Variants in GSTCD observed in about 807,000 individuals in gnomAD.
GSTCD encodes glutathione S-transferase C-terminal domain-containing protein.
In GSTCD, 44 loss-of-function variants were observed where a neutral mutation model predicts 68.3. That is an observed-to-expected ratio of 0.64 (90% CI 0.51 to 0.83). GSTCD has a LOEUF of 0.83. GSTCD is among the 40% of genes least tolerant of loss of function. The probability of loss-of-function intolerance (pLI) is 0.00; values close to 1 mark genes in which losing one functional copy is unlikely to be tolerated. For missense variants in GSTCD, 739 were observed against 735.9 expected, an observed-to-expected ratio of 1.00 and a Z score of -0.05; for synonymous variants, 273 against 255.2, an observed-to-expected ratio of 1.07 and a Z score of -0.67.
intron 5 of GSTCD, among the ~76,000 whole-genome samples, chr4:105,770,210 G>C (rs1734787971): frequency 6.6e-6 from 1 of 152,142 alleles, no homozygotes; most frequent in African/African-American, 2.4e-5. Context: ...TAAAAGTTCA[G>C]CACGTTTATA....
chr4:105,819,963 G>A (rs1373002188), intron 5 of GSTCD, among the ~76,000 whole-genome samples: 2 of 151,384 alleles, frequency 1.3e-5, no homozygotes, highest in Non-Finnish European at 3.0e-5. Flanking sequence ...AGAATATTTA[G>A]TAAAGACATC....
chr4:105,757,332 ATTG>A (rs1413660462), intron 5 of GSTCD, among the ~76,000 whole-genome samples: 1 of 152,158 alleles, frequency 6.6e-6, no homozygotes, highest in Non-Finnish European at 1.5e-5. Context: ...AATTCTACCT[ATTG>A]TTGTTGGAAT....
chr4:105,845,505 C>T lies in GSTCD; in HGVS notation c.1830C>T (p.Ser610=), dbSNP rs759169679. ...RARAAEECGY[S]VQVISMEPES... ...GAGCTGCAGAAGAATGTGGATACTC[C>T]GTTCAAGTGATATCCATGGAGCCAG... The change falls in exon 12 of 12, where the codon TCC becomes TCT. Residue 610 remains serine, a synonymous_variant. Transcript: ENST00000515279. The T allele has an allele frequency of 7.4e-6, 12 of 1,613,934 alleles. No individual in the cohort carries two copies. Among genetic ancestry groups the T allele is most frequent in the East Asian group, 2.2e-5 (1 of 44,888 alleles).
intron 11 of GSTCD, among the ~76,000 whole-genome samples, chr4:105,842,552 T>C (rs1296570217): frequency 1.3e-5 from 2 of 152,190 alleles, no homozygotes; most frequent in Non-Finnish European, 2.9e-5. Flanking sequence ...TACTTGTGTA[T>C]TATTTATCAT....
At chr4:105,841,126 C>T (rs28421902) in intron 10 of GSTCD, among the ~76,000 whole-genome samples, 8,302 of 152,046 alleles carry the variant, frequency 0.055, 748 homozygotes, top group African/African-American at 0.18. Context: ...CCAGCCTGGC[C>T]AACATGGTGA....
At chr4:105,731,983 G>A (rs1252356896) in intron 5 of GSTCD, among the ~76,000 whole-genome samples, 1 of 152,080 alleles carries the variant, frequency 6.6e-6, no homozygotes, top group Non-Finnish European at 1.5e-5. Context: ...CTGTTTATAT[G>A]CTGGATTACG....
At position 105,729,469 on chromosome 4, in the gene GSTCD, G is replaced by A. The variant is rs1191298312; in HGVS notation, c.1210G>A (p.Val404Ile). The A allele has an allele frequency of 6.2e-7, 1 of 1,611,968 alleles. No homozygotes were observed. The highest frequency in any genetic ancestry group is 8.5e-7 in the Non-Finnish European group (1 of 1,178,726). The change falls in exon 5 of 12, where the codon GTT (valine) becomes ATT (isoleucine). Residue 404 changes from valine to isoleucine, a missense_variant. Coordinates refer to ENST00000515279, the MANE Select transcript of GSTCD (RefSeq NM_001370181.1). ...CCCTACTTGGACTCTTGATTGGAAT[G>A]TTCTCCCTGCAGCAGTCAGCCCAAA... ...PCPTWTLDWN[V>I]LPAAVSPKEG...
intron 5 of GSTCD, among the ~76,000 whole-genome samples, chr4:105,753,973 TTTTAATCTTAAATGCTTATAGGAGTTG>T (rs1165916724): frequency 6.6e-6 from 1 of 152,126 alleles, no homozygotes; most frequent in East Asian, 1.9e-4. Context: ...GATTTTTTTT[TTTTAATCTTAAATGCTTATAGGAGTTG>T]GAGGGAAAAC....
intron 5 of GSTCD, among the ~76,000 whole-genome samples, chr4:105,754,659 A>T (rs1358946992): frequency 6.6e-6 from 1 of 152,116 alleles, no homozygotes; most frequent in Non-Finnish European, 1.5e-5. Flanking sequence ...AAAACAAATT[A>T]TTTTATATGA....
At chr4:105,733,275 GT>G (rs1733322784) in intron 5 of GSTCD, among the ~76,000 whole-genome samples, 1 of 152,152 alleles carries the variant, frequency 6.6e-6, no homozygotes, top group African/African-American at 2.4e-5. Flanking sequence ...TCTGTCTAAT[GT>G]TGACAGTGGG....
rs774624149 is a variant in GSTCD at position 105,837,852 on chromosome 4, A to G, written c.1665-7A>G. ...ATGATGACTAATTCCTTTTTTTTCT[A>G]TTTCAGTGAACAATTCAAGAAAACT... On this transcript the variant is annotated splice_polypyrimidine_tract_variant and splice_region_variant and intron_variant, in intron 9 of 11. Transcript: ENST00000515279. 3 of 1,071,514 alleles carry G rather than the reference A, an allele frequency of 2.8e-6. No individual in the cohort carries two copies. Among genetic ancestry groups the G allele is most frequent in the Non-Finnish European group, 4.1e-6 (3 of 733,498 alleles). 66.4% of individuals were successfully genotyped at this position (1,071,514 alleles called of 1,614,324 possible).
rs563171684 is a variant in GSTCD at position 105,836,902 on chromosome 4, T to A, written c.1665-957T>A. On this transcript the variant is annotated intron_variant, in intron 9 of 11. Transcript: ENST00000515279. ...TATAAATAGCATACTGTTTCTATAG[T>A]ACGTGGAAAGAAGTACTCTTTTCAA... is the stretch of plus-strand genomic sequence containing the variant. Among the ~76,000 whole-genome samples, 14 of 152,344 alleles carry A rather than the reference T, an allele frequency of 9.2e-5. No homozygotes were observed. In the South Asian group the frequency reaches 2.9e-3, roughly 32 times the overall value.
chr4:105,716,290 CAG>C (rs1732679023), intron 1 of GSTCD, among the ~76,000 whole-genome samples: 1 of 151,950 alleles, frequency 6.6e-6, no homozygotes, highest in African/African-American at 2.4e-5. Flanking sequence ...ATTGAGTAGT[CAG>C]GGAGGATCTC....
intron 8 of GSTCD, among the ~76,000 whole-genome samples, chr4:105,828,629 A>T (rs1723762164): frequency 6.6e-6 from 1 of 152,182 alleles, no homozygotes; most frequent in African/African-American, 2.4e-5. Flanking sequence ...TGTGAAGGTG[A>T]AAAGCAGATT....
chr4:105,771,163 A>C (rs1180982517), intron 5 of GSTCD, among the ~76,000 whole-genome samples: 1 of 151,922 alleles, frequency 6.6e-6, no homozygotes. Context: ...TGGCCACATA[A>C]ATGTCTTCTT....
In GSTCD at chr4:105,802,621, T is replaced by A. The variant is rs146679046; in HGVS notation, c.1241-20333T>A. Among the ~76,000 whole-genome samples the A allele has an allele frequency of 3.9e-5, 6 of 152,258 alleles. No individual in the cohort carries two copies. In the East Asian group the frequency reaches 1.2e-3, roughly 29 times the overall value. Reference sequence around the variant, plus strand: ...ATTCTGGTCTTGTCTTCAGGAACACTGGTTATCCATAAGTTTACATTTCAT... The same window carrying A: ...ATTCTGGTCTTGTCTTCAGGAACACAGGTTATCCATAAGTTTACATTTCAT... On this transcript the variant is annotated intron_variant, in intron 5 of 11. Transcript: ENST00000515279.
At chr4:105,746,660 G>C (rs1192742402) in intron 5 of GSTCD, among the ~76,000 whole-genome samples, 1 of 151,960 alleles carries the variant, frequency 6.6e-6, no homozygotes, top group East Asian at 1.9e-4. Flanking sequence ...TATCCTCTTA[G>C]TAGCAAGATA....
intron 5 of GSTCD, among the ~76,000 whole-genome samples, chr4:105,747,839 G>A (rs571066687): frequency 2.0e-5 from 3 of 151,544 alleles, no homozygotes; most frequent in South Asian, 2.1e-4. Flanking sequence ...AAACTAGCAC[G>A]TTTGTTTTCT....
chr4:105,817,784 A>G (rs1013668033), intron 5 of GSTCD, among the ~76,000 whole-genome samples: 3 of 151,902 alleles, frequency 2.0e-5, no homozygotes, highest in Non-Finnish European at 4.4e-5. Flanking sequence ...ACACAGCTTT[A>G]AATGGCTGTT....
Sources: gnomAD v4.1 joint callset for allele counts (sites outside exome capture counted in the v4.1 genomes callset) on GRCh38, gnomAD v4.1.1 for gene constraint, MANE v1.5 for transcripts, NCBI Gene and HGNC (gene_info 2026-07-23, HGNC 2026-07-21) for gene names.